Variants in HABP2 observed in about 807,000 individuals in gnomAD.
HABP2 encodes the protein factor VII-activating protease.
Under a neutral mutation model 66.5 loss-of-function variants are expected in HABP2, and 65 were observed. That is an observed-to-expected ratio of 0.98 (90% CI 0.80 to 1.20). HABP2 has a LOEUF of 1.20. Ranked by LOEUF, HABP2 falls within the 50% of genes most tolerant of loss-of-function variation. The pLI, the probability that HABP2 is intolerant of heterozygous loss-of-function variation, is 0.00. For missense variants in HABP2, 786 were observed against 691.0 expected, an observed-to-expected ratio of 1.14 and a Z score of -1.54; for synonymous variants, 263 against 253.9, an observed-to-expected ratio of 1.04 and a Z score of -0.34.
At chr10:113,571,953 T>C (rs1271861857) in intron 2 of HABP2, among the ~76,000 whole-genome samples, 1 of 152,202 alleles carries the variant, frequency 6.6e-6, no homozygotes, top group Non-Finnish European at 1.5e-5. Context: ...AAAGACAAAA[T>C]AAGGTTTAAT....
At position 113,578,856 on chromosome 10, in the gene HABP2, A is replaced by G. The variant is rs11575684; in HGVS notation, c.740+58A>G. On this transcript the variant is annotated intron_variant, in intron 7 of 12. Coordinates refer to ENST00000351270, the MANE Select transcript of HABP2 (RefSeq NM_004132.5). ...TTGGTCACTTATTTTAAAACAGATCATTGAAATTCATCAGCCTCCTTTCTA... is the reference window on the plus strand; with the variant it reads ...TTGGTCACTTATTTTAAAACAGATCGTTGAAATTCATCAGCCTCCTTTCTA... 0.2 allele frequency: 219,531 copies of G among 1,124,706 alleles called. 22,824 individuals carry two copies. Among genetic ancestry groups the G allele is most frequent in the East Asian group, 0.3 (12,482 of 42,196 alleles). The allele number at this position is 1,124,706 out of a possible 1,614,324, so 69.7% of individuals were successfully genotyped here. A position where few individuals can be genotyped will look rare whatever the true frequency, so the allele number is the denominator to read the frequency against.
intron 3 of HABP2, among the ~76,000 whole-genome samples, chr10:113,575,291 C>A (rs1845388403): frequency 6.6e-6 from 1 of 152,170 alleles, no homozygotes; most frequent in African/African-American, 2.4e-5. Flanking sequence ...ATTCAGACAA[C>A]CATGAAAAGC....
chr10:113,576,954 G>A (rs970307205), intron 4 of HABP2, among the ~76,000 whole-genome samples, 196 bp from the exon 5 acceptor site: 3 of 152,134 alleles, frequency 2.0e-5, no homozygotes, highest in Non-Finnish European at 4.4e-5. Flanking sequence ...ATGGGCATGG[G>A]AAGCAATGTG....
At chr10:113,583,873 A>C (rs888626804) in intron 10 of HABP2, among the ~76,000 whole-genome samples, 11 of 151,946 alleles carry the variant, frequency 7.2e-5, no homozygotes, top group African/African-American at 2.4e-4. Context: ...CTCCTTCCTC[A>C]ATAGCTTTTT....
chr10:113,585,711 C>T (rs1327555215), intron 11 of HABP2, 82 bp from the exon 12 acceptor site: 12 of 1,047,882 alleles, frequency 1.1e-5, no homozygotes, highest in Non-Finnish European at 1.6e-5. Context: ...GTGGGCTTCT[C>T]CCTGACAATC....
intron 7 of HABP2, among the ~76,000 whole-genome samples, chr10:113,579,602 G>A (rs1003169405): frequency 6.6e-6 from 1 of 152,208 alleles, no homozygotes; most frequent in Non-Finnish European, 1.5e-5. Flanking sequence ...CCCTGGTGGT[G>A]ATCTAGTTTC....
At chr10:113,567,873 C>A (rs932281113) in intron 2 of HABP2, among the ~76,000 whole-genome samples, 1 of 152,184 alleles carries the variant, frequency 6.6e-6, no homozygotes, top group Non-Finnish European at 1.5e-5. Flanking sequence ...AAGGCTGAGG[C>A]AAAGTGAGGG....
chr10:113,572,146 G>T (rs1054460662), intron 2 of HABP2, among the ~76,000 whole-genome samples: 3 of 152,174 alleles, frequency 2.0e-5, no homozygotes, highest in African/African-American at 7.2e-5. Context: ...TCTTGACTGA[G>T]GCCCATGGGC....
At chr10:113,573,163 G>A (rs1164059504) in intron 2 of HABP2, among the ~76,000 whole-genome samples, 6 of 152,132 alleles carry the variant, frequency 3.9e-5, no homozygotes, top group East Asian at 1.9e-4. Flanking sequence ...TACTCCAGCC[G>A]GCTGGAGAGA....
intron 2 of HABP2, chr10:113,572,683 C>A (rs1267690699): frequency 2.2e-6 from 1 of 454,956 alleles, no homozygotes; most frequent in East Asian, 7.0e-5. Flanking sequence ...TTATTTGCTC[C>A]AGGAAGACAA....
At chr10:113,571,669 C>A (rs1845314587) in intron 2 of HABP2, among the ~76,000 whole-genome samples, 1 of 152,124 alleles carries the variant, frequency 6.6e-6, no homozygotes, top group Admixed American at 6.5e-5. Context: ...AGCAGAGTTT[C>A]ACTGTGGAAC....
chr10:113,564,991 C>T (rs1248524299), intron 1 of HABP2, among the ~76,000 whole-genome samples: 1 of 150,688 alleles, frequency 6.6e-6, no homozygotes, highest in Non-Finnish European at 1.5e-5. Flanking sequence ...GGACTACAGG[C>T]CCCCGCTGCC....
chr10:113,556,626 C>T (rs750087110), intron 1 of HABP2, among the ~76,000 whole-genome samples: 15 of 151,554 alleles, frequency 9.9e-5, no homozygotes, highest in Non-Finnish European at 1.5e-4. Context: ...GAGGCAGAAG[C>T]GTCACTTGAA....
chr10:113,570,460 G>A (rs978942582), intron 2 of HABP2, among the ~76,000 whole-genome samples: 6 of 152,266 alleles, frequency 3.9e-5, no homozygotes, highest in Non-Finnish European at 8.8e-5. Context: ...TTGAACAGCT[G>A]CCCCTTTCTT....
At chr10:113,582,770 C>T (rs1347980634) in intron 9 of HABP2, among the ~76,000 whole-genome samples, 2 of 152,174 alleles carry the variant, frequency 1.3e-5, no homozygotes, top group Non-Finnish European at 2.9e-5. Context: ...TCTGAGCTCC[C>T]TGTGCTCATG....
chr10:113,570,288 T>A (rs1184658584), intron 2 of HABP2: 2 of 152,252 alleles, frequency 1.3e-5, no homozygotes, highest in Non-Finnish European at 2.9e-5. Context: ...TTATTTAGTT[T>A]AGTGTCTGAT....
At position 113,588,741 on chromosome 10, in the gene HABP2, T is replaced by G. The variant is rs1845731956; in HGVS notation, c.*372T>G. 1.8e-6 allele frequency: 1 copy of G among 558,338 alleles called. No homozygotes were observed. The highest frequency in any genetic ancestry group is 2.5e-5 in the South Asian group (1 of 39,500). 34.6% of individuals were successfully genotyped at this position (558,338 alleles called of 1,614,324 possible). On this transcript the variant is annotated 3_prime_UTR_variant, in exon 13 of 13. Transcript: ENST00000351270. ...AGCGGGAACCACCATCACATCTTTA[T>G]TCCTCAGCCCAGACACTCGAGGCAC...
chr10:113,559,740 T>C (rs1431266585), intron 1 of HABP2, among the ~76,000 whole-genome samples: 1 of 152,226 alleles, frequency 6.6e-6, no homozygotes, highest in East Asian at 1.9e-4. Flanking sequence ...ATGTAACAAA[T>C]GGGACTCTTC....
At position 113,578,748 on chromosome 10, in the gene HABP2, G is replaced by T; in HGVS notation, c.690G>T (p.Met230Ile). 1 of 1,612,340 alleles carries T rather than the reference G, an allele frequency of 6.2e-7. No individual in the cohort carries two copies. ...TCCTCTTGCAGGAGAATTACAACAT[G>T]TTTATGGAGGATGCTGAAACCCATG... is the stretch of plus-strand genomic sequence containing the variant. ...SHLLLQENYN[M>I]FMEDAETHGI... is the part of the protein sequence containing the mutation. The change falls in exon 7 of 13, where the codon ATG becomes ATT. Residue 230 changes from methionine (M) to isoleucine (I), a missense_variant. Coordinates refer to ENST00000351270, the MANE Select transcript of HABP2 (RefSeq NM_004132.5).
Sources: allele counts gnomAD v4.1 joint callset (sites outside exome capture counted in the v4.1 genomes callset), GRCh38; gene constraint gnomAD v4.1.1; transcripts MANE v1.5; gene names NCBI Gene and HGNC (gene_info 2026-07-23, HGNC 2026-07-21).